Variants in MAD1L1 observed in about 807,000 individuals in gnomAD.
The protein encoded by MAD1L1 is mitotic spindle assembly checkpoint protein MAD1.
Under a neutral mutation model 96.9 loss-of-function variants are expected in MAD1L1, and 95 were observed. The ratio of observed to expected loss-of-function variants is 0.98; its 90% CI spans 0.83 to 1.16. The LOEUF (loss-of-function observed/expected upper bound fraction) is 1.16, where lower values mean the gene tolerates loss of function less well. MAD1L1 is among the 50% of genes most tolerant of loss of function. The pLI, the probability that MAD1L1 is intolerant of heterozygous loss-of-function variation, is 0.00. For synonymous variants in MAD1L1, 473 were observed against 396.6 expected, an observed-to-expected ratio of 1.19 and a Z score of -2.29; for missense variants, 1,007 against 954.4, an observed-to-expected ratio of 1.06 and a Z score of -0.73.
intron 4 of MAD1L1, 32 bp from the exon 5 acceptor site, chr7:2,222,786 G>A (rs1793679833): frequency 6.5e-7 from 1 of 1,541,568 alleles, no homozygotes; most frequent in Non-Finnish European, 8.7e-7. Context: ...GATGCCACGT[G>A]CCGCCCACGG....
At chr7:2,225,840 T>C (rs554168811) in intron 3 of MAD1L1, among the ~76,000 whole-genome samples, 3 of 152,320 alleles carry the variant, frequency 2.0e-5, no homozygotes, top group South Asian at 2.1e-4. Flanking sequence ...AACGGCTCCG[T>C]GGGTCGGAAG....
Position 2,032,779 on chromosome 7 carries a change from C to T in MAD1L1, c.1219-18137G>A, listed in dbSNP as rs146445424. On this transcript the variant is annotated intron_variant, in intron 12 of 18. Transcript: ENST00000265854. ...TCCTAGCAAGTGGTGAGGGGGGTGG[C>T]GCCGGCCTGCTCTCCCAGAACTCAG... 1.7e-3 allele frequency among the ~76,000 whole-genome samples: 256 copies of T among 152,308 alleles called. 4 individuals carry two copies. The East Asian group carries it at 0.04, about 24-fold the overall frequency.
chr7:2,125,066 G>C (rs73285790), intron 11 of MAD1L1, among the ~76,000 whole-genome samples: 1 of 152,178 alleles, frequency 6.6e-6, no homozygotes, highest in Non-Finnish European at 1.5e-5. Context: ...CTAAGGATCC[G>C]GTCCTCACAG....
chr7:2,025,463 C>G (rs998078076), intron 12 of MAD1L1, among the ~76,000 whole-genome samples: 5 of 152,078 alleles, frequency 3.3e-5, no homozygotes, highest in African/African-American at 9.7e-5. Context: ...AACTGTTCTT[C>G]AAAAATAAAA....
intron 11 of MAD1L1, among the ~76,000 whole-genome samples, chr7:2,095,912 C>T (rs1301617202): frequency 6.6e-6 from 1 of 152,216 alleles, no homozygotes; most frequent in African/African-American, 2.4e-5. Context: ...GAGGTGTCTC[C>T]CTCAAGGGAG....
intron 18 of MAD1L1, among the ~76,000 whole-genome samples, chr7:1,857,055 G>A (rs139477877): frequency 0.01 from 1,590 of 152,328 alleles, 14 homozygotes; most frequent in Middle Eastern, 0.014. Context: ...GAGGAGCTGC[G>A]GGGAGCAGAC....
chr7:1,954,735 C>T (rs548825597), intron 16 of MAD1L1, among the ~76,000 whole-genome samples: 3 of 152,210 alleles, frequency 2.0e-5, no homozygotes, highest in Admixed American at 6.5e-5. Flanking sequence ...CTCCTTCACA[C>T]GCAGGCTCCC....
chr7:2,100,393 G>A (rs116731693), intron 11 of MAD1L1, among the ~76,000 whole-genome samples: 79 of 152,334 alleles, frequency 5.2e-4, no homozygotes, highest in African/African-American at 1.7e-3. Flanking sequence ...GCTTCTGAGC[G>A]TGAAGCACCT....
chr7:2,014,368 C>T, intron 13 of MAD1L1, 134 bp downstream of exon 13: 2 of 1,210,228 alleles, frequency 1.7e-6, no homozygotes, highest in East Asian at 2.5e-5. Flanking sequence ...GGACACCCTC[C>T]CTGACAGACA....
At chr7:2,104,375 C>A (rs1042574844) in intron 11 of MAD1L1, among the ~76,000 whole-genome samples, 1 of 152,246 alleles carries the variant, frequency 6.6e-6, no homozygotes, top group African/African-American at 2.4e-5. Context: ...GTCACGGCGG[C>A]GCAATAGCAG....
chr7:2,220,980 C>T (rs1160912826), intron 5 of MAD1L1: 11 of 1,612,310 alleles, frequency 6.8e-6, no homozygotes, highest in East Asian at 4.5e-5. Context: ...AAGGAAGAGG[C>T]GCATAAGATA....
At chr7:2,048,772 A>C (rs1584186324) in intron 12 of MAD1L1, among the ~76,000 whole-genome samples, 6 of 151,966 alleles carry the variant, frequency 3.9e-5, no homozygotes. Context: ...CCTGTGCCAC[A>C]CCCCTCCAGC....
intron 14 of MAD1L1, among the ~76,000 whole-genome samples, chr7:1,988,875 G>A (rs370628533): frequency 9.9e-5 from 15 of 152,204 alleles, no homozygotes; most frequent in East Asian, 1.9e-4. Context: ...GCAGGGCCAC[G>A]TGTGCCTGGC....
At chr7:1,849,067 C>CAT (rs1783805407) in intron 18 of MAD1L1, 1 of 114,584 alleles carries the variant, frequency 8.7e-6, no homozygotes, top group South Asian at 3.2e-4. Flanking sequence ...CACACACACA[C>CAT]ACACACAAAT....
At chr7:1,870,138 C>T (rs1239439576) in intron 18 of MAD1L1, among the ~76,000 whole-genome samples, 1 of 152,072 alleles carries the variant, frequency 6.6e-6, no homozygotes, top group African/African-American at 2.4e-5. Flanking sequence ...GGCAGGAAGG[C>T]TGTGCAGGTG....
chr7:1,900,705 C>T (rs1787190643), intron 17 of MAD1L1, among the ~76,000 whole-genome samples: 1 of 152,182 alleles, frequency 6.6e-6, no homozygotes, highest in Non-Finnish European at 1.5e-5. Context: ...TAACATGGCC[C>T]GTGCTGCCTT....
chr7:1,835,415 C>G (rs1439321758), intron 18 of MAD1L1, among the ~76,000 whole-genome samples: 4 of 152,188 alleles, frequency 2.6e-5, no homozygotes, highest in African/African-American at 9.6e-5. Context: ...GGAGAAAATC[C>G]CATCAGATAT....
At chr7:2,138,770 A>G (rs1349123577) in intron 11 of MAD1L1, among the ~76,000 whole-genome samples, 2 of 152,152 alleles carry the variant, frequency 1.3e-5, no homozygotes, top group African/African-American at 4.8e-5. Flanking sequence ...ACTGACCCTA[A>G]TACAAATGAG....
chr7:2,018,412 G>A (rs1413597522), intron 12 of MAD1L1, among the ~76,000 whole-genome samples: 1 of 152,216 alleles, frequency 6.6e-6, no homozygotes, highest in Non-Finnish European at 1.5e-5. Context: ...TGTCTGCCTG[G>A]TTCTTCCACT....
Sources: gnomAD v4.1 joint callset for allele counts (sites outside exome capture counted in the v4.1 genomes callset) on GRCh38, gnomAD v4.1.1 for gene constraint, MANE v1.5 for transcripts, NCBI Gene and HGNC (gene_info 2026-07-23, HGNC 2026-07-21) for gene names.